Variants in TSNARE1 observed in about 807,000 individuals in gnomAD.
TSNARE1 encodes t-SNARE domain-containing protein 1.
In TSNARE1, 49 loss-of-function variants were observed where a neutral mutation model predicts 62.0. The ratio of observed to expected loss-of-function variants is 0.79; its 90% CI spans 0.63 to 1.00. TSNARE1 has a LOEUF of 1.00. Ranked by LOEUF, TSNARE1 falls within the 50% of genes least tolerant of loss-of-function variation. The pLI is 0.00. For missense variants in TSNARE1, 755 were observed against 700.1 expected (o/e 1.08, Z -0.88); for synonymous variants, 328 against 294.4 (o/e 1.11, Z -1.17).
chr8:142,255,950 TCAC>T, intron 12 of TSNARE1, among the ~76,000 whole-genome samples: 1 of 23,586 alleles, frequency 4.2e-5, no homozygotes, highest in African/African-American at 1.7e-4. Context: ...ACCACCATCA[TCAC>T]CATCACCACC....
At chr8:142,398,041 G>A (rs1023542428) in intron 1 of TSNARE1, among the ~76,000 whole-genome samples, 2 of 152,064 alleles carry the variant, frequency 1.3e-5, no homozygotes, top group African/African-American at 2.4e-5. Context: ...AGGCTGACCC[G>A]AGTCAGACCT....
chr8:142,230,767 ACCAT>A (rs71313213), intron 12 of TSNARE1, among the ~76,000 whole-genome samples: 74,863 of 148,412 alleles, frequency 0.5, 19,180 homozygotes, highest in Non-Finnish European at 0.57. Flanking sequence ...CATTAATGCA[ACCAT>A]CCATCCATCC....
At chr8:142,280,424 G>A (rs1032902587) in intron 11 of TSNARE1, 20 of 744,094 alleles carry the variant, frequency 2.7e-5, no homozygotes, top group African/African-American at 1.5e-4. Flanking sequence ...TGTGCACAGC[G>A]GCCAGGCCTC....
chr8:142,381,052 G>A (rs770234559), intron 1 of TSNARE1, among the ~76,000 whole-genome samples: 35 of 152,246 alleles, frequency 2.3e-4, no homozygotes, highest in Non-Finnish European at 5.0e-4. Flanking sequence ...ACTCAAAGCA[G>A]GCACACAGCT....
chr8:142,329,359 G>A (rs956368958), intron 6 of TSNARE1, among the ~76,000 whole-genome samples: 12 of 152,210 alleles, frequency 7.9e-5, no homozygotes, highest in Non-Finnish European at 1.2e-4. Context: ...TCTCCTCTCC[G>A]AGGCCCACAG....
Position 142,269,556 on chromosome 8 carries a change from T to C in TSNARE1, c.1446+5225A>G, listed in dbSNP as rs564138702. On this transcript the variant is annotated intron_variant, in intron 12 of 13. Transcript: ENST00000524325. Reference sequence around the variant, plus strand: ...GCTGTCCAGGCTGGTCTCGAACTCCTGGCCTCAAGTGATCTTCCTGCCTCA... The same window carrying C: ...GCTGTCCAGGCTGGTCTCGAACTCCCGGCCTCAAGTGATCTTCCTGCCTCA... 35 of 983,846 alleles carry C rather than the reference T, an allele frequency of 3.6e-5. No individual in the cohort carries two copies. In the African/African-American group the frequency reaches 5.8e-4, roughly 16 times the overall value. 60.9% of individuals were successfully genotyped at this position (983,846 alleles called of 1,614,324 possible).
intron 9 of TSNARE1, among the ~76,000 whole-genome samples, chr8:142,301,743 G>C (rs949354028): frequency 6.6e-6 from 1 of 152,018 alleles, no homozygotes; most frequent in South Asian, 2.1e-4. Context: ...GGCCTGGCCA[G>C]GACCGGCCTC....
At chr8:142,282,639 G>A (rs960929723) in intron 11 of TSNARE1, among the ~76,000 whole-genome samples, 2 of 130,358 alleles carry the variant, frequency 1.5e-5, no homozygotes, top group Admixed American at 7.6e-5. Flanking sequence ...GAGCAGAGGC[G>A]GGGCCAGTGT....
chr8:142,246,230 C>T (rs980583560), intron 12 of TSNARE1, among the ~76,000 whole-genome samples: 2 of 152,100 alleles, frequency 1.3e-5, no homozygotes, highest in African/African-American at 4.8e-5. Context: ...CACCCCTACC[C>T]CCATGAAGGC....
At chr8:142,252,809 C>T (rs886566320) in intron 12 of TSNARE1, among the ~76,000 whole-genome samples, 2 of 152,226 alleles carry the variant, frequency 1.3e-5, no homozygotes, top group African/African-American at 4.8e-5. Flanking sequence ...TCCTGGCTCC[C>T]CTGTGGACCT....
At chr8:142,272,463 CCCAT>C (rs1276928311) in intron 12 of TSNARE1, 4 of 124,494 alleles carry the variant, frequency 3.2e-5, no homozygotes, top group African/African-American at 1.0e-4. Context: ...CTTCCATCCA[CCCAT>C]CCAACTGCCC....
intron 1 of TSNARE1, among the ~76,000 whole-genome samples, chr8:142,363,669 G>A (rs13253773): frequency 0.17 from 25,174 of 152,068 alleles, 2,250 homozygotes; most frequent in East Asian, 0.29. Context: ...GTCCCCACAG[G>A]AGCCTTCAAG....
At chr8:142,335,639 A>C (rs968541489) in intron 4 of TSNARE1, among the ~76,000 whole-genome samples, 3 of 152,180 alleles carry the variant, frequency 2.0e-5, no homozygotes, top group African/African-American at 7.2e-5. Flanking sequence ...AAAAGGGGGA[A>C]AAAAAGGAAA....
rs145699376 is a variant in TSNARE1, at chr8:142,243,980, G to A, written c.1447-14401C>T. On this transcript the variant is annotated intron_variant, in intron 12 of 13. Transcript: ENST00000524325. ...AGGCAGGCGGATCACGAGGTCAGGA[G>A]ATCGAGACCATCTGGCTAACACGGT... Among the ~76,000 whole-genome samples, 845 of 152,274 alleles carry A rather than the reference G, an allele frequency of 5.5e-3. 5 individuals carry two copies. The highest frequency in any genetic ancestry group is 0.019 in the African/African-American group (804 of 41,524).
Position 142,344,209 on chromosome 8 carries a change from G to A in TSNARE1, c.502C>T (p.Leu168=). The A allele has an allele frequency of 6.2e-7, 1 of 1,613,660 alleles. No individual in the cohort carries two copies. Among genetic ancestry groups the A allele is most frequent in the South Asian group, 1.1e-5 (1 of 91,078 alleles). ...TRRYRVWSRI[L]QAVNALGYCR... Reference sequence around the variant, plus strand: ...TAGCCCAGCGCATTCACGGCCTGCAGGATGCGGCTCCACACGCGGTACCTG... The same window carrying A: ...TAGCCCAGCGCATTCACGGCCTGCAAGATGCGGCTCCACACGCGGTACCTG... Residue 168 remains leucine, a synonymous_variant, in exon 4 of 14, where the codon CTG becomes TTG. Coordinates refer to ENST00000524325, the MANE Select transcript of TSNARE1 (RefSeq NM_145003.5).
In TSNARE1 at chr8:142,212,319, G is replaced by A. The variant is rs556750006; in HGVS notation, c.*12-6C>T. The A allele has an allele frequency of 6.6e-6, 1 of 152,408 alleles. No homozygotes were observed. Among genetic ancestry groups the A allele is most frequent in the East Asian group, 1.9e-4 (1 of 5,176 alleles). 9.4% of individuals were successfully genotyped at this position (152,408 alleles called of 1,614,324 possible). A position where few individuals can be genotyped will look rare whatever the true frequency, so the allele number is the denominator to read the frequency against. ...TGACGGTTCAGCGGCCGATGCTGCAGATGAGAAAGTGGAGGCTCAGTCAGG... is the reference window on the plus strand; with the variant it reads ...TGACGGTTCAGCGGCCGATGCTGCAAATGAGAAAGTGGAGGCTCAGTCAGG... On this transcript the variant is annotated splice_polypyrimidine_tract_variant and splice_region_variant and intron_variant, in intron 13 of 13. Transcript: ENST00000524325.
intron 1 of TSNARE1, among the ~76,000 whole-genome samples, chr8:142,381,954 T>C (rs1396224802): frequency 6.6e-6 from 1 of 151,912 alleles, no homozygotes; most frequent in Non-Finnish European, 1.5e-5. Flanking sequence ...TGCCCAGTCC[T>C]CCCCTCGGTG....
chr8:142,225,191 C>A (rs138091704), intron 13 of TSNARE1, among the ~76,000 whole-genome samples: 71 of 149,264 alleles, frequency 4.8e-4, no homozygotes, highest in African/African-American at 1.7e-3. Flanking sequence ...CAGATGTGGA[C>A]ACGGCTTGCC....
chr8:142,237,990 A>G (rs889538735), intron 12 of TSNARE1, among the ~76,000 whole-genome samples: 2 of 150,738 alleles, frequency 1.3e-5, no homozygotes, highest in Admixed American at 6.6e-5. Flanking sequence ...TGCCCACGCC[A>G]CCCGCCCAGG....
Sources: gnomAD v4.1 joint callset for allele counts (sites outside exome capture counted in the v4.1 genomes callset) on GRCh38, gnomAD v4.1.1 for gene constraint, MANE v1.5 for transcripts, NCBI Gene and HGNC (gene_info 2026-07-23, HGNC 2026-07-21) for gene names.